The following DOCK2 variants were observed in gnomAD, a reference collection of about 807,000 sequenced individuals.
DOCK2 encodes the protein dedicator of cytokinesis 2.
In DOCK2, 87 loss-of-function variants were observed where a neutral mutation model predicts 248.9. The ratio of observed to expected loss-of-function variants is 0.35; its 90% CI spans 0.29 to 0.42. The LOEUF (loss-of-function observed/expected upper bound fraction) is 0.42. DOCK2 is among the 10% of genes least tolerant of loss of function. The pLI, the probability that DOCK2 is intolerant of heterozygous loss-of-function variation, is 1.00. For synonymous variants in DOCK2, 805 were observed against 821.6 expected (o/e 0.98, Z 0.35); for missense variants, 1,747 against 2,300.2 (o/e 0.76, Z 4.92).
At chr5:169,682,888 G>T (rs1323521004) in intron 7 of DOCK2, among the ~76,000 whole-genome samples, 1 of 152,060 alleles carries the variant, frequency 6.6e-6, no homozygotes, top group Non-Finnish European at 1.5e-5. Context: ...AAGTGGAATC[G>T]TGCAGTATTA....
intron 12 of DOCK2, 87 bp downstream of exon 12, chr5:169,699,545 T>G: frequency 7.6e-7 from 1 of 1,312,082 alleles, no homozygotes. Context: ...TCCTGAACCC[T>G]GGGATACTTA....
At chr5:170,044,359 T>C (rs146095563) in intron 38 of DOCK2, among the ~76,000 whole-genome samples, 1 of 152,168 alleles carries the variant, frequency 6.6e-6, no homozygotes, top group Admixed American at 6.5e-5. Context: ...TAGTAATGAA[T>C]GTGTAAGACT....
chr5:170,047,423 T>A, intron 39 of DOCK2, 87 bp from the exon 40 acceptor site: 5 of 1,172,100 alleles, frequency 4.3e-6, no homozygotes, highest in Non-Finnish European at 6.2e-6. Context: ...TCTGGTATAA[T>A]GAAAATGTCT....
chr5:169,800,944 C>CTTTCTTTTTTTTTTTTTTTTTTTTTTT (rs1248380098), intron 25 of DOCK2, among the ~76,000 whole-genome samples: 2 of 53,194 alleles, frequency 3.8e-5, no homozygotes, highest in African/African-American at 2.8e-4. Flanking sequence ...TTCTTTCTTT[C>CTTTCTTTTTTTTTTTTTTTTTTTTTTT]TTTTTTTTTT....
chr5:170,058,811 G>A (rs7727916), intron 44 of DOCK2, among the ~76,000 whole-genome samples: 28,940 of 152,146 alleles, frequency 0.19, 2,907 homozygotes, highest in Middle Eastern at 0.26. Context: ...CATTGAGACC[G>A]TTTCACTTCT....
chr5:169,898,358 T>C (rs1299416656), intron 27 of DOCK2, among the ~76,000 whole-genome samples: 1 of 152,168 alleles, frequency 6.6e-6, no homozygotes, highest in East Asian at 1.9e-4. Flanking sequence ...AGGTGTACTG[T>C]ATGGTTAGGA....
At chr5:169,749,193 T>C (rs899023952) in intron 23 of DOCK2, among the ~76,000 whole-genome samples, 1 of 152,240 alleles carries the variant, frequency 6.6e-6, no homozygotes, top group African/African-American at 2.4e-5. Context: ...GAAAGCATCA[T>C]TGGTTTTATG....
intron 27 of DOCK2, among the ~76,000 whole-genome samples, chr5:169,945,969 G>C (rs976959974): frequency 2.6e-5 from 4 of 152,120 alleles, no homozygotes; most frequent in African/African-American, 7.2e-5. Flanking sequence ...GGCCAGGCAG[G>C]CTCCAGCCCT....
At chr5:169,746,950 A>G (rs1421136718) in intron 22 of DOCK2, among the ~76,000 whole-genome samples, 1 of 152,216 alleles carries the variant, frequency 6.6e-6, no homozygotes, top group East Asian at 1.9e-4. Context: ...CCCTGACATA[A>G]AACAGGTTGT....
At chr5:169,773,885 A>G (rs1427798394) in intron 25 of DOCK2, among the ~76,000 whole-genome samples, 1 of 152,086 alleles carries the variant, frequency 6.6e-6, no homozygotes, top group Admixed American at 6.5e-5. Context: ...TATAAGGGGA[A>G]ACCCCGTTCG....
chr5:169,823,261 C>A (rs1380708024), intron 26 of DOCK2, among the ~76,000 whole-genome samples: 1 of 152,210 alleles, frequency 6.6e-6, no homozygotes, highest in Admixed American at 6.5e-5. Context: ...TCCTCCCTAA[C>A]TCATTTTACG....
chr5:169,980,750 G>T (rs1174377857), intron 27 of DOCK2: 5 of 152,076 alleles, frequency 3.3e-5, no homozygotes, highest in African/African-American at 1.2e-4. Flanking sequence ...CAGTGACGGC[G>T]GTGTTCTGTC....
chr5:169,801,146 GTTTTTTTTTTTTTTTTT>G lies in DOCK2; in HGVS notation c.2555-1893_2555-1877del, dbSNP rs60574755. 2.7e-3 allele frequency among the ~76,000 whole-genome samples: 203 copies of G among 76,066 alleles called. 1 individual carries two copies. The highest frequency in any genetic ancestry group is 0.011 in the Middle Eastern group (1 of 88). 49.9% of individuals were successfully genotyped at this position (76,066 alleles called of 152,430 possible). A position where few individuals can be genotyped will look rare whatever the true frequency, so the allele number is the denominator to read the frequency against. ...TGCCACCATGCCCAGATAGTTTTGG[GTTTTTTTTTTTTTTTTT>G]TTTTTTTTTTTTTTTTTTAGTAGAC... On this transcript the variant is annotated intron_variant, in intron 25 of 51. Coordinates refer to ENST00000520908, the MANE Select transcript of DOCK2 (RefSeq NM_004946.3).
chr5:170,027,573 GAA>G (rs775749253), intron 33 of DOCK2, among the ~76,000 whole-genome samples: 2 of 152,082 alleles, frequency 1.3e-5, no homozygotes, highest in Non-Finnish European at 2.9e-5. Flanking sequence ...CATGAGTTGT[GAA>G]AAGTCTTCCC....
intron 27 of DOCK2, among the ~76,000 whole-genome samples, chr5:169,974,932 C>T (rs1236111684): frequency 6.6e-6 from 1 of 151,936 alleles, no homozygotes; most frequent in Admixed American, 6.6e-5. Context: ...GAATGATAAC[C>T]CCTCTCCTGG....
At position 170,056,642 on chromosome 5, in the gene DOCK2, G is replaced by A. The variant is rs114177135; in HGVS notation, c.4296-42G>A. The stretch of plus-strand genomic sequence containing the variant: ...AGGGTCAGATCGGGTGTCAGCAGCC[G>A]GGGATGGCTACCAGGAGCCTCAGCC... On this transcript the variant is annotated intron_variant, in intron 42 of 51. Coordinates refer to ENST00000520908, the MANE Select transcript of DOCK2 (RefSeq NM_004946.3). 2.2e-3 allele frequency: 3,525 copies of A among 1,575,406 alleles called. 62 individuals are homozygous for A. The African/African-American group carries it at 0.037, about 16-fold the overall frequency.
At chr5:169,939,078 G>A (rs987464120) in intron 27 of DOCK2, among the ~76,000 whole-genome samples, 2 of 151,382 alleles carry the variant, frequency 1.3e-5, no homozygotes, top group Non-Finnish European at 2.9e-5. Flanking sequence ...TAATTTTTTT[G>A]TATTTTTAGT....
chr5:169,955,449 G>A (rs576432224), intron 27 of DOCK2, among the ~76,000 whole-genome samples: 2 of 152,256 alleles, frequency 1.3e-5, no homozygotes, highest in African/African-American at 2.4e-5. Flanking sequence ...TGGACAGTAC[G>A]TGCTGTCACT....
intron 2 of DOCK2, among the ~76,000 whole-genome samples, chr5:169,663,579 C>T (rs1183140647): frequency 2.0e-5 from 3 of 152,366 alleles, no homozygotes; most frequent in Non-Finnish European, 4.4e-5. Flanking sequence ...ATTCCCAAAG[C>T]TCAACTCTTG....
Sources: allele counts gnomAD v4.1 joint callset (sites outside exome capture counted in the v4.1 genomes callset), GRCh38; gene constraint gnomAD v4.1.1; transcripts MANE v1.5; gene names NCBI Gene and HGNC (gene_info 2026-07-23, HGNC 2026-07-21).